Variants in KCNQ5 observed in about 807,000 individuals in gnomAD.
KCNQ5 encodes the protein potassium voltage-gated channel subfamily Q member 5.
A neutral mutation model predicts 98.2 loss-of-function variants in KCNQ5; 30 were observed. That is an observed-to-expected ratio of 0.31 (90% CI 0.23 to 0.41). The LOEUF is 0.41. Ranked by LOEUF, KCNQ5 falls within the 10% of genes least tolerant of loss-of-function variation. The probability of loss-of-function intolerance (pLI) is 1.00; values close to 1 mark genes in which losing one functional copy is unlikely to be tolerated. For synonymous variants in KCNQ5, 458 were observed against 449.4 expected, an observed-to-expected ratio of 1.02 and a Z score of -0.24; for missense variants, 835 against 1,182.5, an observed-to-expected ratio of 0.71 and a Z score of 4.31.
chr6:72,814,762 A>T (rs1775418880), intron 1 of KCNQ5, among the ~76,000 whole-genome samples: 1 of 152,196 alleles, frequency 6.6e-6, no homozygotes, highest in African/African-American at 2.4e-5. Context: ...TGAGGACACT[A>T]CCAATCCAGG....
chr6:72,997,548 G>A (rs1362511505), intron 1 of KCNQ5, among the ~76,000 whole-genome samples: 3 of 151,624 alleles, frequency 2.0e-5, no homozygotes, highest in Non-Finnish European at 4.4e-5. Flanking sequence ...GGTAGAGGCG[G>A]GCGGATCACG....
intron 1 of KCNQ5, among the ~76,000 whole-genome samples, chr6:72,660,811 C>T (rs952430770): frequency 3.3e-5 from 5 of 152,076 alleles, no homozygotes; most frequent in African/African-American, 1.2e-4. Context: ...TGAGAACTAA[C>T]AGGTACTAAA....
intron 1 of KCNQ5, among the ~76,000 whole-genome samples, chr6:72,932,740 G>A (rs916742919): frequency 1.3e-5 from 2 of 151,838 alleles, no homozygotes; most frequent in African/African-American, 4.8e-5. Flanking sequence ...TCTCATATAC[G>A]GTAGCTTAAA....
intron 5 of KCNQ5, 45 bp downstream of exon 5, chr6:73,077,932 G>GTT: frequency 3.4e-6 from 5 of 1,458,472 alleles, no homozygotes; most frequent in South Asian, 2.8e-5. Flanking sequence ...GTTGTGAATT[G>GTT]TTTTTTTTTA....
chr6:72,952,160 G>A (rs1469873876), intron 1 of KCNQ5, among the ~76,000 whole-genome samples: 1 of 152,186 alleles, frequency 6.6e-6, no homozygotes, highest in Non-Finnish European at 1.5e-5. Context: ...GATAAGGATA[G>A]TTGATGTGTC....
At chr6:72,675,550 A>T (rs1286915699) in intron 1 of KCNQ5, among the ~76,000 whole-genome samples, 1 of 152,094 alleles carries the variant, frequency 6.6e-6, no homozygotes, top group African/African-American at 2.4e-5. Context: ...GCATCTTACC[A>T]GACAAACAAT....
chr6:72,735,779 C>T (rs779028287), intron 1 of KCNQ5, among the ~76,000 whole-genome samples: 33 of 151,746 alleles, frequency 2.2e-4, no homozygotes, highest in Non-Finnish European at 3.8e-4. Context: ...ATTTTAGATG[C>T]TTTGAAAAAT....
intron 13 of KCNQ5, among the ~76,000 whole-genome samples, chr6:73,194,249 G>A (rs1335886893): frequency 6.6e-6 from 1 of 152,178 alleles, no homozygotes; most frequent in Non-Finnish European, 1.5e-5. Context: ...AGAAGCCAAA[G>A]TGTCCCTCTC....
chr6:73,077,585 A>C, intron 4 of KCNQ5, 88 bp downstream of exon 4: 1 of 1,420,206 alleles, frequency 7.0e-7, no homozygotes. Flanking sequence ...TCACAAGAAA[A>C]CTTAGTCATT....
chr6:72,785,899 T>G (rs533055563), intron 1 of KCNQ5, among the ~76,000 whole-genome samples: 2 of 152,240 alleles, frequency 1.3e-5, no homozygotes, highest in African/African-American at 4.8e-5. Flanking sequence ...ATGTTCCAAA[T>G]TCTGCCATAA....
At chr6:72,658,651 C>T (rs1310069234) in intron 1 of KCNQ5, among the ~76,000 whole-genome samples, 2 of 144,400 alleles carry the variant, frequency 1.4e-5, no homozygotes, top group Non-Finnish European at 3.0e-5. Flanking sequence ...CACGATCTCA[C>T]CTTACTGCAA....
intron 2 of KCNQ5, among the ~76,000 whole-genome samples, chr6:73,011,329 A>G (rs1770054369): frequency 6.6e-6 from 1 of 152,150 alleles, no homozygotes; most frequent in South Asian, 2.1e-4. Flanking sequence ...TAGAAAGTCC[A>G]GAAATAAACC....
intron 1 of KCNQ5, among the ~76,000 whole-genome samples, chr6:72,813,539 G>C (rs1009191935): frequency 3.3e-5 from 5 of 152,038 alleles, no homozygotes; most frequent in African/African-American, 1.2e-4. Flanking sequence ...AGAAATTACT[G>C]TCTCTCACAC....
intron 2 of KCNQ5, among the ~76,000 whole-genome samples, chr6:73,024,195 G>A (rs1409228458): frequency 6.6e-6 from 1 of 151,906 alleles, no homozygotes; most frequent in Admixed American, 6.6e-5. Flanking sequence ...AAATAATCCT[G>A]GCCAAATACC....
chr6:72,962,039 A>G (rs1477779357), intron 1 of KCNQ5, among the ~76,000 whole-genome samples: 1 of 151,100 alleles, frequency 6.6e-6, no homozygotes, highest in Admixed American at 6.6e-5. Flanking sequence ...TTAACTGGGT[A>G]TGGTGGTGTG....
chr6:72,803,057 T>A (rs1774743201), intron 1 of KCNQ5, among the ~76,000 whole-genome samples: 1 of 152,126 alleles, frequency 6.6e-6, no homozygotes, highest in South Asian at 2.1e-4. Context: ...GGACATTTGT[T>A]CAGGCCTCTA....
chr6:72,883,735 C>CT (rs1193728866), intron 1 of KCNQ5, among the ~76,000 whole-genome samples: 2 of 152,272 alleles, frequency 1.3e-5, no homozygotes, highest in East Asian at 3.9e-4. Context: ...AAGCTCATTA[C>CT]ACAGCAGCCA....
At chr6:73,082,855 C>T (rs1431544804) in intron 5 of KCNQ5, among the ~76,000 whole-genome samples, 2 of 148,656 alleles carry the variant, frequency 1.3e-5, no homozygotes, top group South Asian at 4.3e-4. Flanking sequence ...TGTTTGAATG[C>T]TTGCAAAGAG....
chr6:73,194,949 T>A lies in KCNQ5; in HGVS notation c.2334T>A (p.Ser778=), dbSNP rs1336976092. ...CTGCAGGCTTACAGGAAAGCATTTC[T>A]GACGTCACCACCTGCCTTGTTGCCT... ...PNPAGLQESI[S]DVTTCLVASK... The change falls in exon 14 of 14, where the codon TCT becomes TCA. Residue 778 remains serine (S), a synonymous_variant. Coordinates refer to ENST00000370398, the MANE Select transcript of KCNQ5 (RefSeq NM_019842.4). The A allele has an allele frequency of 1.2e-6, 2 of 1,614,230 alleles. No individual in the cohort carries two copies. The highest frequency in any genetic ancestry group is 2.2e-5 in the South Asian group (2 of 91,088).
Sources: allele counts gnomAD v4.1 joint callset (sites outside exome capture counted in the v4.1 genomes callset), GRCh38; gene constraint gnomAD v4.1.1; transcripts MANE v1.5; gene names NCBI Gene and HGNC (gene_info 2026-07-23, HGNC 2026-07-21).